TRPS1: variants seen among roughly 807,000 people sequenced by gnomAD.
TRPS1 encodes the protein zinc finger transcription factor Trps1.
A neutral mutation model predicts 101.2 loss-of-function variants in TRPS1; 6 were observed. The ratio of observed to expected loss-of-function variants is 0.06; its 90% CI spans 0.03 to 0.12. The LOEUF (loss-of-function observed/expected upper bound fraction) is 0.12. TRPS1 is among the 10% of genes least tolerant of loss of function. The probability of loss-of-function intolerance (pLI) is 1.00; values close to 1 mark genes in which losing one functional copy is unlikely to be tolerated. For missense variants in TRPS1, 1,363 were observed against 1,567.0 expected, an observed-to-expected ratio of 0.87 and a Z score of 2.20; for synonymous variants, 578 against 589.8, an observed-to-expected ratio of 0.98 and a Z score of 0.29.
chr8:115,517,031 T>C (rs1056996261), intron 5 of TRPS1, among the ~76,000 whole-genome samples: 1 of 151,606 alleles, frequency 6.6e-6, no homozygotes, highest in Non-Finnish European at 1.5e-5. Flanking sequence ...GTCTTTGATA[T>C]ATACATTGCT....
intron 5 of TRPS1, among the ~76,000 whole-genome samples, chr8:115,584,945 G>T (rs1200299446): frequency 6.6e-6 from 1 of 151,990 alleles, no homozygotes; most frequent in African/African-American, 2.4e-5. Context: ...AATCTTAAAA[G>T]ATTTAAATTT....
chr8:115,626,090 T>TA (rs980251955), intron 1 of TRPS1, among the ~76,000 whole-genome samples: 13 of 151,872 alleles, frequency 8.6e-5, no homozygotes, highest in Admixed American at 8.5e-4. Context: ...CTTTTATTTT[T>TA]AAAAAAACTT....
chr8:115,604,807 A>C lies in TRPS1; in HGVS notation c.1162T>G (p.Ser388Ala), dbSNP rs751346363. ...SLPSSEVAKP[S>A]EKNSNKSIPA... Reference sequence around the variant, plus strand: ...ATGGACTTGTTAGAGTTTTTCTCTGAAGGTTTTGCAACCTCAGAGGAGGGG... The same window carrying C: ...ATGGACTTGTTAGAGTTTTTCTCTGCAGGTTTTGCAACCTCAGAGGAGGGG... Residue 388 changes from serine to alanine, a missense_variant, in exon 4 of 7, where the codon TCA becomes GCA. Transcript: ENST00000395715. This position sits in a 1 kb window ranked among gnomAD's most constrained non-coding sequence, Gnocchi z 4.1. 1.9e-6 allele frequency: 3 copies of C among 1,614,054 alleles called. No individual in the cohort carries two copies. The highest frequency in any genetic ancestry group is 3.3e-4 in the Middle Eastern group (2 of 6,062).
intron 4 of TRPS1, among the ~76,000 whole-genome samples, chr8:115,589,154 G>A (rs1817629366): frequency 6.6e-6 from 1 of 152,184 alleles, no homozygotes; most frequent in South Asian, 2.1e-4. Flanking sequence ...AGAGGACATT[G>A]TGGTTTTAGA....
chr8:115,478,345 A>C (rs1409081647), intron 5 of TRPS1, among the ~76,000 whole-genome samples: 2 of 152,178 alleles, frequency 1.3e-5, no homozygotes, highest in Admixed American at 1.3e-4. Context: ...GACATAACTC[A>C]ATTTTTTCAA....
At chr8:115,479,238 T>G (rs1024044071) in intron 5 of TRPS1, among the ~76,000 whole-genome samples, 4 of 152,150 alleles carry the variant, frequency 2.6e-5, no homozygotes, top group African/African-American at 7.2e-5. Flanking sequence ...AAACTATGAT[T>G]GAATTAAACA....
intron 5 of TRPS1, among the ~76,000 whole-genome samples, chr8:115,506,729 C>T (rs528753698): frequency 2.0e-5 from 3 of 152,010 alleles, no homozygotes; most frequent in Non-Finnish European, 4.4e-5. Context: ...AGTGTTCATA[C>T]AACACAGGTA....
chr8:115,619,747 C>T lies in TRPS1; in HGVS notation c.351G>A (p.Glu117=). 3.1e-6 allele frequency: 5 copies of T among 1,614,210 alleles called. No homozygotes were observed. The highest frequency in any genetic ancestry group is 4.2e-6 in the Non-Finnish European group (5 of 1,180,044). The change falls in exon 3 of 7, where the codon GAG becomes GAA. Residue 117 remains glutamate (E), a synonymous_variant. Coordinates refer to ENST00000395715, the MANE Select transcript of TRPS1 (RefSeq NM_014112.5). ...AAGCCAACATATTTCTGTCTGTCACCTCATCATGCGGAAAGGAGGGAAAGT... is the reference window on the plus strand; with the variant it reads ...AAGCCAACATATTTCTGTCTGTCACTTCATCATGCGGAAAGGAGGGAAAGT... ...GGNFPSFPHD[E]VTDRNMLAFS... is the part of the protein sequence containing the mutation.
At chr8:115,571,442 C>T (rs1031038360) in intron 5 of TRPS1, among the ~76,000 whole-genome samples, 5 of 151,992 alleles carry the variant, frequency 3.3e-5, no homozygotes, top group African/African-American at 9.7e-5. Context: ...TCTCTCAGAT[C>T]CAAATTGTTT....
intron 4 of TRPS1, among the ~76,000 whole-genome samples, chr8:115,590,380 T>G (rs1343153503): frequency 6.6e-6 from 1 of 152,126 alleles, no homozygotes; most frequent in East Asian, 1.9e-4. Flanking sequence ...CTGCTTGAAT[T>G]CTCTAAAGAA....
chr8:115,423,352 A>C (rs1019784237), intron 5 of TRPS1, among the ~76,000 whole-genome samples: 2 of 152,214 alleles, frequency 1.3e-5, no homozygotes, highest in Non-Finnish European at 2.9e-5. Context: ...AGGAGTTTCG[A>C]AGCCAGTGAT....
Position 115,604,555 on chromosome 8 carries a change from G to A in TRPS1, c.1414C>T (p.His472Tyr). Residue 472 changes from histidine (H) to tyrosine (Y), a missense_variant, in exon 4 of 7, where the codon CAC becomes TAC. Around this residue, in one of 5 missense-constraint regions of TRPS1, gnomAD observed 1,020 missense variants for 1,073.0 expected, o/e 0.95. Transcript: ENST00000395715. The surrounding 1 kb of genome is among the most constrained non-coding windows in gnomAD (Gnocchi z 4.1). The part of the protein sequence containing the change: ...LKLLEHYGKQ[H>Y]GAVQSGGLNP... ...AGGCCGCCTGACTGCACTGCTCCGT[G>A]CTGCTTGCCATAATGTTCTAGCAGT... is the stretch of plus-strand genomic sequence containing the variant. The A allele has an allele frequency of 6.2e-7, 1 of 1,614,040 alleles. No homozygotes were observed. Among genetic ancestry groups the A allele is most frequent in the Non-Finnish European group, 8.5e-7 (1 of 1,179,994 alleles).
intron 1 of TRPS1, among the ~76,000 whole-genome samples, chr8:115,636,946 A>C (rs1038363143): frequency 1.3e-5 from 2 of 149,560 alleles, no homozygotes; most frequent in Middle Eastern, 3.4e-3. Flanking sequence ...CAAAAAAAAA[A>C]CACACACAAA....
At position 115,589,001 on chromosome 8, in the gene TRPS1, G is replaced by A. The variant is rs184863412; in HGVS notation, c.2097-1397C>T. Among the ~76,000 whole-genome samples the A allele has an allele frequency of 2.4e-4, 37 of 152,286 alleles. 1 individual carries two copies. The highest frequency in any genetic ancestry group is 7.9e-4 in the African/African-American group (33 of 41,564). On this transcript the variant is annotated intron_variant, in intron 4 of 6. Coordinates refer to ENST00000395715, the MANE Select transcript of TRPS1 (RefSeq NM_014112.5). ...ACAGGTGCTAAGAATGAAATGGATA[G>A]TAATTGGTATAAAGGGCTGCGTAGG...
intron 5 of TRPS1, among the ~76,000 whole-genome samples, chr8:115,584,627 C>CTTT (rs77676407): frequency 7.2e-6 from 1 of 138,318 alleles, no homozygotes; most frequent in Non-Finnish European, 1.6e-5. Context: ...CAAAATTCTG[C>CTTT]TTTTTTTTTT....
At chr8:115,440,486 T>C (rs1813565986) in intron 5 of TRPS1, among the ~76,000 whole-genome samples, 1 of 152,188 alleles carries the variant, frequency 6.6e-6, no homozygotes, top group Non-Finnish European at 1.5e-5. Flanking sequence ...AACAGGACCA[T>C]GTGGGTCTTA....
chr8:115,629,899 A>G (rs979324545), intron 1 of TRPS1, among the ~76,000 whole-genome samples: 16 of 151,916 alleles, frequency 1.1e-4, no homozygotes, highest in Non-Finnish European at 4.4e-5. Flanking sequence ...GGTCACAATC[A>G]GTAAACACAT....
chr8:115,426,189 GA>G (rs1813182315), intron 5 of TRPS1, among the ~76,000 whole-genome samples: 2 of 151,990 alleles, frequency 1.3e-5, no homozygotes, highest in South Asian at 4.1e-4. Context: ...ACACTGGAAG[GA>G]AAAAAATACT....
chr8:115,560,996 G>A (rs920883531), intron 5 of TRPS1, among the ~76,000 whole-genome samples: 5 of 152,124 alleles, frequency 3.3e-5, no homozygotes, highest in Admixed American at 6.6e-5. Context: ...CTCAAAGTAC[G>A]AAAACCACAG....
Sources: gnomAD v4.1 joint callset for allele counts (sites outside exome capture counted in the v4.1 genomes callset) on GRCh38, gnomAD v4.1.1 for gene constraint, gnomAD v4.1.1 regional missense constraint, Gnocchi (gnomAD v3.1) non-coding constraint, MANE v1.5 for transcripts, NCBI Gene and HGNC (gene_info 2026-07-23, HGNC 2026-07-21) for gene names.